C1orf198: variants seen among roughly 807,000 people sequenced by gnomAD.
The protein encoded by C1orf198 is chromosome 1 open reading frame 198, also known as uncharacterized protein C1orf198.
In C1orf198, 17 loss-of-function variants were observed where a neutral mutation model predicts 31.4. The ratio of observed to expected loss-of-function variants is 0.54; its 90% confidence interval spans 0.37 to 0.81. The LOEUF (loss-of-function observed/expected upper bound fraction) is 0.81. Ranked by LOEUF, C1orf198 falls within the 40% of genes least tolerant of loss-of-function variation. The probability of loss-of-function intolerance (pLI) is 0.00; values close to 1 mark genes in which losing one functional copy is unlikely to be tolerated. For synonymous variants in C1orf198, 175 were observed against 193.8 expected, an observed-to-expected ratio of 0.90 and a Z score of 0.81; for missense variants, 401 against 450.3, an observed-to-expected ratio of 0.89 and a Z score of 0.99.
intron 1 of C1orf198, 119 bp downstream of exon 1, chr1:230,868,061 G>C (rs1394558287): frequency 1.1e-5 from 12 of 1,085,062 alleles, no homozygotes; most frequent in Non-Finnish European, 1.4e-5. Context: ...TGCCATTCCT[G>C]CCTTTTCTTT....
In C1orf198 at chr1:230,843,510, G is replaced by A. The variant is rs1000014350; in HGVS notation, c.771C>T (p.Asn257=). ...TLRQEQRPLP[N]VSTERERPQP... ...GGGGTCTCTCACGTTCGGTGCTCAC[G>A]TTGGGAAGAGGACGCTGCTCCTGAC... is the stretch of plus-strand genomic sequence containing the variant. The change falls in exon 3 of 4, where the codon AAC becomes AAT. Residue 257 remains asparagine, a synonymous_variant. Coordinates refer to ENST00000366663, the MANE Select transcript of C1orf198 (RefSeq NM_032800.3). The surrounding 1 kb of genome is among the most constrained non-coding windows in gnomAD (Gnocchi z 4.9). 13 of 1,612,248 alleles carry A rather than the reference G, an allele frequency of 8.1e-6. No individual in the cohort carries two copies. Among genetic ancestry groups the A allele is most frequent in the African/African-American group, 2.7e-5 (2 of 74,920 alleles).
At chr1:230,846,878 C>A (rs902085448) in intron 2 of C1orf198, among the ~76,000 whole-genome samples, 3 of 151,614 alleles carry the variant, frequency 2.0e-5, no homozygotes, top group African/African-American at 7.3e-5. Context: ...CCGAGGCGGG[C>A]GGATCACGAG....
In C1orf198 at chr1:230,868,282, C is replaced by A; in HGVS notation, c.231G>T (p.Pro77=). 6.3e-7 allele frequency: 1 copy of A among 1,590,460 alleles called. No homozygotes were observed. Among genetic ancestry groups the A allele is most frequent in the Non-Finnish European group, 8.5e-7 (1 of 1,170,222 alleles). The change falls in exon 1 of 4, where the codon CCG becomes CCT. Residue 77 remains proline, a synonymous_variant. Coordinates refer to ENST00000366663, the MANE Select transcript of C1orf198 (RefSeq NM_032800.3). Reference sequence around the variant, plus strand: ...CGGGGTCTCGGGGCGCCGGGGCGCGCGGCCCCACCAGGCACCGGTCGATGA... The same window carrying A: ...CGGGGTCTCGGGGCGCCGGGGCGCGAGGCCCCACCAGGCACCGGTCGATGA... The part of the protein sequence containing the change: ...DEIIDRCLVG[P]RAPAPRDPGD...
chr1:230,850,554 G>T (rs1034210716), intron 2 of C1orf198, among the ~76,000 whole-genome samples: 2 of 152,198 alleles, frequency 1.3e-5, no homozygotes, highest in African/African-American at 4.8e-5. Context: ...TGGCAGTGCA[G>T]GGCTGAGGGC....
chr1:230,849,320 A>C (rs1268957059), intron 2 of C1orf198, among the ~76,000 whole-genome samples: 1 of 152,214 alleles, frequency 6.6e-6, no homozygotes, highest in Non-Finnish European at 1.5e-5. Flanking sequence ...GGAGGAACCC[A>C]TGGGCCATGG....
chr1:230,864,530 C>T (rs1670070348), intron 1 of C1orf198, among the ~76,000 whole-genome samples: 1 of 152,202 alleles, frequency 6.6e-6, no homozygotes, highest in African/African-American at 2.4e-5. Context: ...GGCAGTGGAT[C>T]ATGCCAAGCT....
In C1orf198 at chr1:230,840,262, T is replaced by A. The variant is rs1343031799; in HGVS notation, c.928-354A>T. Among the ~76,000 whole-genome samples the A allele has an allele frequency of 1.3e-5, 2 of 152,108 alleles. No homozygotes were observed. Among genetic ancestry groups the A allele is most frequent in the African/African-American group, 4.8e-5 (2 of 41,412 alleles). ...TATTCATCCTAAATAAGAGAACAAA[T>A]GATAAAGATATTCCTTCAAATATAA... On this transcript the variant is annotated intron_variant, in intron 3 of 3. Transcript: ENST00000366663. This position sits in a 1 kb window ranked among gnomAD's most constrained non-coding sequence, Gnocchi z 4.0.
Position 230,843,803 on chromosome 1 carries a change from G to T in C1orf198, c.478C>A (p.Gln160Lys), listed in dbSNP as rs760861127. ...SEPRPLSKAS[Q>K]GSQALKSSQG... Reference sequence around the variant, plus strand: ...GAGGACTTGAGGGCCTGGGAGCCCTGGGAAGCTTTGGACAGTGGTCTGGGC... The same window carrying T: ...GAGGACTTGAGGGCCTGGGAGCCCTTGGAAGCTTTGGACAGTGGTCTGGGC... The change falls in exon 3 of 4, where the codon CAG (glutamine) becomes AAG (lysine). Residue 160 changes from glutamine to lysine, a missense_variant. Physicochemically the swap from Gln to Lys is moderately conservative, Grantham distance 53. Coordinates refer to ENST00000366663, the MANE Select transcript of C1orf198 (RefSeq NM_032800.3). The surrounding 1 kb of genome is among the most constrained non-coding windows in gnomAD (Gnocchi z 4.9). 11 of 1,603,592 alleles carry T rather than the reference G, an allele frequency of 6.9e-6. No individual in the cohort carries two copies. Among genetic ancestry groups the T allele is most frequent in the Non-Finnish European group, 9.4e-6 (11 of 1,174,502 alleles).
Position 230,843,833 on chromosome 1 carries a change from T to C in C1orf198, c.448A>G (p.Ser150Gly), listed in dbSNP as rs1410012028. The C allele has an allele frequency of 3.9e-6, 6 of 1,556,720 alleles. No homozygotes were observed. The highest frequency in any genetic ancestry group is 1.4e-5 in the African/African-American group (1 of 72,848). ...IQEPSNGTAA[S>G]EPRPLSKASQ... ...GCTTTGGACAGTGGTCTGGGCTCGC[T>C]GGCGGCGGTGCCGTTGCTCGGCTCC... The change falls in exon 3 of 4, where the codon AGC becomes GGC. Residue 150 changes from serine (S) to glycine (G), a missense_variant. Physicochemically the swap from Ser to Gly is moderately conservative, Grantham distance 56. Transcript: ENST00000366663. This position sits in a 1 kb window ranked among gnomAD's most constrained non-coding sequence, Gnocchi z 4.9.
At chr1:230,861,115 A>T (rs1669995219) in intron 1 of C1orf198, among the ~76,000 whole-genome samples, 1 of 152,172 alleles carries the variant, frequency 6.6e-6, no homozygotes, top group South Asian at 2.1e-4. Context: ...CTGTTAAGGC[A>T]ATGGATCCCC....
intron 1 of C1orf198, among the ~76,000 whole-genome samples, chr1:230,862,582 G>A (rs1670026787): frequency 6.6e-6 from 1 of 152,212 alleles, no homozygotes. Context: ...TACCTTAAAT[G>A]AGTATCACTA....
chr1:230,855,520 C>A, intron 2 of C1orf198, 148 bp downstream of exon 2: 1 of 796,184 alleles, frequency 1.3e-6, no homozygotes. Flanking sequence ...TCCTCCCATC[C>A]CCTCCTTTTC....
At chr1:230,850,023 A>T (rs1669700262) in intron 2 of C1orf198, among the ~76,000 whole-genome samples, 1 of 152,188 alleles carries the variant, frequency 6.6e-6, no homozygotes, top group Non-Finnish European at 1.5e-5. Context: ...GCCAGGGAGA[A>T]CTCAGCTGAG....
Position 230,857,893 on chromosome 1 carries a change from A to T in C1orf198, c.334-2175T>A, listed in dbSNP as rs922765886. Among the ~76,000 whole-genome samples, 8 of 152,142 alleles carry T rather than the reference A, an allele frequency of 5.3e-5. No homozygotes were observed. The highest frequency in any genetic ancestry group is 5.2e-4 in the Admixed American group (8 of 15,276). ...TAATGACCATGTGCACAGTAAGATGACCCCCATCCTCAGAGTGTTACAGTC... is the reference window on the plus strand; with the variant it reads ...TAATGACCATGTGCACAGTAAGATGTCCCCCATCCTCAGAGTGTTACAGTC... On this transcript the variant is annotated intron_variant, in intron 1 of 3. Coordinates refer to ENST00000366663, the MANE Select transcript of C1orf198 (RefSeq NM_032800.3). The surrounding 1 kb of genome is among the most constrained non-coding windows in gnomAD (Gnocchi z 4.2).
At chr1:230,867,830 TA>T (rs367793281) in intron 1 of C1orf198, among the ~76,000 whole-genome samples, 43 of 152,326 alleles carry the variant, frequency 2.8e-4, no homozygotes, top group African/African-American at 9.9e-4. Context: ...AGAGCTGGAT[TA>T]AAACCCAGGC....
At chr1:230,853,587 T>C (rs556143381) in intron 2 of C1orf198, among the ~76,000 whole-genome samples, 105 of 152,248 alleles carry the variant, frequency 6.9e-4, no homozygotes, top group African/African-American at 2.1e-3. Context: ...AATAGTAAAC[T>C]ATAGTAAGTC....
intron 1 of C1orf198, chr1:230,855,993 G>C: frequency 8.1e-7 from 1 of 1,236,866 alleles, no homozygotes; most frequent in Non-Finnish European, 1.0e-6. Context: ...TCAGACAGAT[G>C]AGATGAGTAG....
intron 1 of C1orf198, among the ~76,000 whole-genome samples, chr1:230,865,763 T>C (rs1572141656): frequency 6.6e-6 from 1 of 152,232 alleles, no homozygotes; most frequent in Non-Finnish European, 1.5e-5. Context: ...GTGATCAGCA[T>C]CATATAATCA....
Position 230,868,220 on chromosome 1 carries a change from C to A in C1orf198, c.293G>T (p.Arg98Leu), listed in dbSNP as rs569141174. 1.3e-6 allele frequency: 2 copies of A among 1,539,026 alleles called. No individual in the cohort carries two copies. Among genetic ancestry groups the A allele is most frequent in the East Asian group, 5.2e-5 (2 of 38,606 alleles). ...SEELTRFPGL[R>L]GPTGQKVVRF... is the part of the protein sequence containing the mutation. ...CACCACCTTCTGGCCCGTGGGCCCG[C>A]GCAAGCCGGGGAAGCGCGTGAGCTC... Residue 98 changes from arginine (R) to leucine (L), a missense_variant, in exon 1 of 4, where the codon CGC (arginine) becomes CTC (leucine). Transcript: ENST00000366663.
Sources: gnomAD v4.1 joint callset for allele counts (sites outside exome capture counted in the v4.1 genomes callset) on GRCh38, gnomAD v4.1.1 for gene constraint, Gnocchi (gnomAD v3.1) non-coding constraint, MANE v1.5 for transcripts, NCBI Gene and HGNC (gene_info 2026-07-23, HGNC 2026-07-21) for gene names.